FSIP1: variants seen among roughly 807,000 people sequenced by gnomAD.
FSIP1 encodes the protein fibrous sheath-interacting protein 1.
In FSIP1, 65 loss-of-function variants were observed where a neutral mutation model predicts 60.9. The observed-to-expected ratio is 1.07, with a 90% CI of 0.87 to 1.31. The LOEUF is 1.31. FSIP1 is among the 40% of genes most tolerant of loss of function. FSIP1 has a pLI of 0.00. For missense variants in FSIP1, 675 were observed against 665.5 expected (o/e 1.01, Z -0.16); for synonymous variants, 209 against 221.2 (o/e 0.94, Z 0.49).
At chr15:39,740,024 T>C (rs186651659) in intron 6 of FSIP1, among the ~76,000 whole-genome samples, 2 of 152,352 alleles carry the variant, frequency 1.3e-5, no homozygotes, top group Admixed American at 1.3e-4. Context: ...TTCATTATCA[T>C]GTATCAAACT....
chr15:39,634,594 T>C (rs1892050135), intron 10 of FSIP1, among the ~76,000 whole-genome samples: 1 of 152,240 alleles, frequency 6.6e-6, no homozygotes, highest in Non-Finnish European at 1.5e-5. Flanking sequence ...TATCCAGCAA[T>C]TTCATTTTTT....
chr15:39,776,908 T>A (rs1898083160), intron 1 of FSIP1, among the ~76,000 whole-genome samples: 1 of 152,090 alleles, frequency 6.6e-6, no homozygotes, highest in Admixed American at 6.5e-5. Flanking sequence ...TCTTAATGAT[T>A]TGCTAAGGCC....
At chr15:39,779,535 A>G (rs1166354765) in intron 1 of FSIP1, among the ~76,000 whole-genome samples, 1 of 152,220 alleles carries the variant, frequency 6.6e-6, no homozygotes, top group African/African-American at 2.4e-5. Flanking sequence ...GCTATACGCT[A>G]TTGGTACATC....
At chr15:39,636,805 G>C (rs1892158854) in intron 10 of FSIP1, among the ~76,000 whole-genome samples, 1 of 152,210 alleles carries the variant, frequency 6.6e-6, no homozygotes, top group South Asian at 2.1e-4. Flanking sequence ...AAATAAATTT[G>C]TAATATTTAT....
intron 10 of FSIP1, among the ~76,000 whole-genome samples, chr15:39,673,801 C>A (rs1185850947): frequency 1.3e-5 from 2 of 152,062 alleles, no homozygotes; most frequent in Admixed American, 1.3e-4. Flanking sequence ...CTTCAACCCA[C>A]CTGCATTAAC....
intron 8 of FSIP1, among the ~76,000 whole-genome samples, chr15:39,733,242 G>T (rs545507307): frequency 2.6e-5 from 4 of 152,184 alleles, no homozygotes; most frequent in African/African-American, 9.6e-5. Context: ...TATTGGCCAG[G>T]GTTATCTCAA....
rs143731522 is a variant in FSIP1, at chr15:39,718,881, T to C, written c.1051-5300A>G. Among the ~76,000 whole-genome samples the C allele has an allele frequency of 5.3e-3, 809 of 152,246 alleles. 3 individuals are homozygous for C. The highest frequency in any genetic ancestry group is 0.019 in the African/African-American group (770 of 41,536). On this transcript the variant is annotated intron_variant, in intron 9 of 11. Transcript: ENST00000350221. ...TACCTAAGAGGTATACACCCGAAGG[T>C]TGGATTCTAGCTTCCAATCCAATCA...
chr15:39,703,950 A>G (rs1297368200), intron 10 of FSIP1, among the ~76,000 whole-genome samples: 1 of 152,244 alleles, frequency 6.6e-6, no homozygotes, highest in Non-Finnish European at 1.5e-5. Flanking sequence ...TTAAATGATA[A>G]TATTCCATTG....
At chr15:39,726,862 CACACACACACA>C in intron 8 of FSIP1, 115 bp from the exon 9 acceptor site, 1 of 640,010 alleles carries the variant, frequency 1.6e-6, no homozygotes, top group Non-Finnish European at 2.7e-6. Flanking sequence ...AACACACACA[CACACACACACA>C]ACACACACAA....
chr15:39,718,012 T>C (rs1289779487), intron 9 of FSIP1, among the ~76,000 whole-genome samples: 1 of 152,096 alleles, frequency 6.6e-6, no homozygotes, highest in Admixed American at 6.5e-5. Flanking sequence ...AGATGGCCAG[T>C]TCTTCTCCCA....
intron 11 of FSIP1, among the ~76,000 whole-genome samples, chr15:39,616,353 GTC>G (rs1476867214): frequency 5.9e-5 from 9 of 152,176 alleles, no homozygotes; most frequent in Admixed American, 5.9e-4. Context: ...GCAAGATAGA[GTC>G]TCTGTTTTTA....
chr15:39,732,866 AAT>A, intron 8 of FSIP1, among the ~76,000 whole-genome samples: 1 of 152,286 alleles, frequency 6.6e-6, no homozygotes, highest in Non-Finnish European at 1.5e-5. Context: ...ATGATTTGAG[AAT>A]ATAGTAAATA....
chr15:39,690,205 G>C (rs1242158384), intron 10 of FSIP1, among the ~76,000 whole-genome samples: 1 of 152,186 alleles, frequency 6.6e-6, no homozygotes, highest in Non-Finnish European at 1.5e-5. Context: ...CGTACAGCCA[G>C]CCAGGGAATC....
chr15:39,718,493 C>CTTTT (rs11422776), intron 9 of FSIP1, among the ~76,000 whole-genome samples: 1 of 139,324 alleles, frequency 7.2e-6, no homozygotes, highest in South Asian at 2.3e-4. Context: ...GCAGACAAAC[C>CTTTT]TTTTTTTTTT....
At chr15:39,729,375 A>C (rs11070231) in intron 8 of FSIP1, among the ~76,000 whole-genome samples, 66,046 of 152,070 alleles carry the variant, frequency 0.43, 16,172 homozygotes, top group African/African-American at 0.65. Context: ...AGTTCAATAT[A>C]AGCCTGAGCA....
intron 2 of FSIP1, among the ~76,000 whole-genome samples, chr15:39,773,959 C>G (rs906588922): frequency 6.6e-6 from 1 of 152,162 alleles, no homozygotes; most frequent in East Asian, 1.9e-4. Flanking sequence ...TTATATCACT[C>G]AATCTATCTT....
At chr15:39,715,116 G>T (rs901071208) in intron 9 of FSIP1, among the ~76,000 whole-genome samples, 2 of 151,904 alleles carry the variant, frequency 1.3e-5, no homozygotes, top group Non-Finnish European at 2.9e-5. Flanking sequence ...TCCATTCTTT[G>T]CAGGGAAGAC....
intron 9 of FSIP1, among the ~76,000 whole-genome samples, chr15:39,725,563 A>T (rs542628399): frequency 1.2e-4 from 19 of 152,356 alleles, no homozygotes; most frequent in Admixed American, 1.1e-3. Context: ...GGCTACTGAT[A>T]TTTAAATCTT....
intron 11 of FSIP1, among the ~76,000 whole-genome samples, chr15:39,608,405 C>T (rs1049601107): frequency 6.6e-6 from 1 of 152,196 alleles, no homozygotes; most frequent in African/African-American, 2.4e-5. Flanking sequence ...AAAGTCATAT[C>T]TTAGCAAATT....
Sources: gnomAD v4.1 joint callset for allele counts (sites outside exome capture counted in the v4.1 genomes callset) on GRCh38, gnomAD v4.1.1 for gene constraint, MANE v1.5 for transcripts, NCBI Gene and HGNC (gene_info 2026-07-23, HGNC 2026-07-21) for gene names.